Variants in MAF observed in about 807,000 individuals in gnomAD.
The protein encoded by MAF is transcription factor Maf.
Under a neutral mutation model 22.0 loss-of-function variants are expected in MAF, and 10 were observed. The observed-to-expected ratio is 0.45, with a 90% CI of 0.28 to 0.77. MAF has a LOEUF of 0.77. Among genes scored for constraint, MAF ranks in the 30% least tolerant of loss-of-function variants. MAF has a pLI of 0.12. For synonymous variants in MAF, 337 were observed against 255.8 expected (o/e 1.32, Z -3.03); for missense variants, 544 against 548.4 (o/e 0.99, Z 0.08).
At chr16:79,300,510 C>A in the MAF span, among the ~76,000 whole-genome samples, 30 of 151,800 alleles carry the variant, frequency 2.0e-4, no homozygotes, top group Non-Finnish European at 3.2e-4. Context: ...AGTGGAGATC[C>A]GGCCACTGCA....
At chr16:79,462,055 G>C in the MAF span, among the ~76,000 whole-genome samples, 2 of 152,238 alleles carry the variant, frequency 1.3e-5, no homozygotes, top group East Asian at 1.9e-4. Context: ...AGTGCCACTG[G>C]CTCTCTCTGT....
chr16:79,315,101 A>T, the MAF span, among the ~76,000 whole-genome samples: 1 of 152,232 alleles, frequency 6.6e-6, no homozygotes, highest in East Asian at 1.9e-4. Flanking sequence ...TCATTATTTC[A>T]TTTATTCATT....
chr16:79,590,772 T>A (rs1468248467), downstream of MAF, among the ~76,000 whole-genome samples: 1 of 152,038 alleles, frequency 6.6e-6, no homozygotes, highest in African/African-American at 2.4e-5. Flanking sequence ...AAGGTTGGCC[T>A]GTGTTAAAGT....
At chr16:79,557,222 G>A in the MAF span, among the ~76,000 whole-genome samples, 1 of 151,740 alleles carries the variant, frequency 6.6e-6, no homozygotes, top group Non-Finnish European at 1.5e-5. Flanking sequence ...TTGGGCTGCT[G>A]GGGGAGAGCT....
At chr16:79,414,907 C>T in the MAF span, among the ~76,000 whole-genome samples, 1 of 152,224 alleles carries the variant, frequency 6.6e-6, no homozygotes, top group African/African-American at 2.4e-5. Flanking sequence ...CTGTTCAAAT[C>T]TTATGGGATT....
the MAF span, among the ~76,000 whole-genome samples, chr16:79,290,417 T>C: frequency 6.6e-6 from 1 of 152,216 alleles, no homozygotes; most frequent in Non-Finnish European, 1.5e-5. Flanking sequence ...AAGCCTTTTC[T>C]TTCTGAATAC....
chr16:79,284,688 G>A, the MAF span, among the ~76,000 whole-genome samples: 1 of 152,170 alleles, frequency 6.6e-6, no homozygotes, highest in East Asian at 1.9e-4. Flanking sequence ...ACTGTGCAGG[G>A]CTGGTGTCAC....
the MAF span, among the ~76,000 whole-genome samples, chr16:79,209,688 A>C: frequency 6.6e-6 from 1 of 152,198 alleles, no homozygotes; most frequent in African/African-American, 2.4e-5. Context: ...CTAAGATTCC[A>C]GGCCAAAATA....
At chr16:79,442,690 A>C in the MAF span, among the ~76,000 whole-genome samples, 3 of 152,200 alleles carry the variant, frequency 2.0e-5, no homozygotes, top group Non-Finnish European at 4.4e-5. Context: ...GGGATTACAG[A>C]TGTGAACTAC....
the MAF span, among the ~76,000 whole-genome samples, chr16:79,401,167 C>A: frequency 6.6e-6 from 1 of 152,230 alleles, no homozygotes; most frequent in African/African-American, 2.4e-5. Context: ...TGATCAGAGA[C>A]CCCCTTGCTC....
the MAF span, among the ~76,000 whole-genome samples, chr16:79,562,171 A>C: frequency 6.6e-6 from 1 of 152,180 alleles, no homozygotes; most frequent in Non-Finnish European, 1.5e-5. Context: ...TAAAACATGT[A>C]ATATTCAGAC....
chr16:79,292,474 G>A, the MAF span, among the ~76,000 whole-genome samples: 4 of 152,200 alleles, frequency 2.6e-5, no homozygotes, highest in East Asian at 3.9e-4. Context: ...CTGAGAAAGA[G>A]TAAATTTCTT....
At chr16:79,440,636 A>C in the MAF span, among the ~76,000 whole-genome samples, 544 of 152,262 alleles carry the variant, frequency 3.6e-3, 6 homozygotes, top group African/African-American at 0.012. Flanking sequence ...GGGTTTCACC[A>C]TGTTGACCTC....
chr16:79,523,392 T>G, the MAF span, among the ~76,000 whole-genome samples: 1 of 152,260 alleles, frequency 6.6e-6, no homozygotes, highest in Non-Finnish European at 1.5e-5. Context: ...AATGAGGTTA[T>G]GTTGAAGCTC....
At chr16:79,508,233 G>T in the MAF span, among the ~76,000 whole-genome samples, 1 of 152,154 alleles carries the variant, frequency 6.6e-6, no homozygotes, top group Non-Finnish European at 1.5e-5. Flanking sequence ...CTCACCCAGG[G>T]AGGCCGCGTG....
At chr16:79,555,606 C>A in the MAF span, among the ~76,000 whole-genome samples, 1,642 of 152,274 alleles carry the variant, frequency 0.011, 30 homozygotes, top group African/African-American at 0.038. Flanking sequence ...ATTTGAAGTC[C>A]AAAATGCTCC....
At chr16:79,537,334 A>C in the MAF span, among the ~76,000 whole-genome samples, 2 of 152,238 alleles carry the variant, frequency 1.3e-5, no homozygotes. Context: ...AGCCTCTAAT[A>C]GTCATCGAGT....
At chr16:79,211,149 G>A in the MAF span, among the ~76,000 whole-genome samples, 1 of 151,836 alleles carries the variant, frequency 6.6e-6, no homozygotes, top group Non-Finnish European at 1.5e-5. Flanking sequence ...GCCCCACTTG[G>A]GTTTTCTACC....
chr16:79,234,342 T>C, the MAF span, among the ~76,000 whole-genome samples: 1 of 152,064 alleles, frequency 6.6e-6, no homozygotes, highest in Non-Finnish European at 1.5e-5. Flanking sequence ...TAAAAAGCAA[T>C]AGCTTGATAA....
Sources: gnomAD v4.1 joint callset for allele counts (sites outside exome capture counted in the v4.1 genomes callset) on GRCh38, gnomAD v4.1.1 for gene constraint, MANE v1.5 for transcripts, NCBI Gene and HGNC (gene_info 2026-07-23, HGNC 2026-07-21) for gene names.